SORCS2: variants seen among roughly 807,000 people sequenced by gnomAD.
The protein encoded by SORCS2 is sortilin related VPS10 domain containing receptor 2.
In SORCS2, 100 loss-of-function variants were observed where a neutral mutation model predicts 141.6. That is an observed-to-expected ratio of 0.71 (90% CI 0.60 to 0.83). The LOEUF (loss-of-function observed/expected upper bound fraction) is 0.83. SORCS2 is among the 40% of genes least tolerant of loss of function. SORCS2 has a pLI of 0.00. For missense variants in SORCS2, 1,646 were observed against 1,560.2 expected (o/e 1.05, Z -0.93); for synonymous variants, 789 against 676.9 (o/e 1.17, Z -2.57).
rs1722355057 is a variant in SORCS2 at position 7,664,210 on chromosome 4, G to A, written c.953-143G>A. Reference sequence around the variant, plus strand: ...GAGGATGACACCCTCAGCCGCAGGTGTCATCACGGTGGCCTTTAGAATTCA... The same window carrying A: ...GAGGATGACACCCTCAGCCGCAGGTATCATCACGGTGGCCTTTAGAATTCA... On this transcript the variant is annotated intron_variant, in intron 6 of 26. Coordinates refer to ENST00000507866, the MANE Select transcript of SORCS2 (RefSeq NM_020777.3). This position sits in a 1 kb window ranked among gnomAD's most constrained non-coding sequence, Gnocchi z 4.7. 1 of 629,166 alleles carries A rather than the reference G, an allele frequency of 1.6e-6. No homozygotes were observed. Among genetic ancestry groups the A allele is most frequent in the Middle Eastern group, 4.4e-4 (1 of 2,292 alleles). The allele number at this position is 629,166 out of a possible 1,614,324, so 39.0% of individuals were successfully genotyped here.
intron 1 of SORCS2, among the ~76,000 whole-genome samples, chr4:7,373,654 A>G (rs984894409): frequency 2.0e-5 from 3 of 150,184 alleles, no homozygotes; most frequent in Non-Finnish European, 4.4e-5. Context: ...ACCATGTCCA[A>G]TTAATTTTTG....
chr4:7,569,991 C>G (rs989795218), intron 3 of SORCS2, among the ~76,000 whole-genome samples: 10 of 152,172 alleles, frequency 6.6e-5, no homozygotes, highest in African/African-American at 2.4e-4. Flanking sequence ...TTCAGCTCTC[C>G]TGGGCAGGGG....
At chr4:7,433,277 G>A in intron 2 of SORCS2, 2 of 1,350,998 alleles carry the variant, frequency 1.5e-6, no homozygotes, top group Non-Finnish European at 9.5e-7. Context: ...CACCTCATGG[G>A]CCTCGCTAGC....
At position 7,590,758 on chromosome 4, in the gene SORCS2, G is replaced by A. The variant is rs115974738; in HGVS notation, c.649-47570G>A. ...ATGAAGTTCAGGTGTGAGCCACTGCGCCGGCTACTGCTGACACCTTGATTT... is the reference window on the plus strand; with the variant it reads ...ATGAAGTTCAGGTGTGAGCCACTGCACCGGCTACTGCTGACACCTTGATTT... On this transcript the variant is annotated intron_variant, in intron 3 of 26. Coordinates refer to ENST00000507866, the MANE Select transcript of SORCS2 (RefSeq NM_020777.3). Among the ~76,000 whole-genome samples, 880 of 152,286 alleles carry A rather than the reference G, an allele frequency of 5.8e-3. 9 individuals carry two copies. The highest frequency in any genetic ancestry group is 0.02 in the African/African-American group (844 of 41,556).
chr4:7,395,995 G>C (rs947074547), intron 1 of SORCS2, among the ~76,000 whole-genome samples: 1 of 152,176 alleles, frequency 6.6e-6, no homozygotes, highest in Non-Finnish European at 1.5e-5. Context: ...TCCAGGGCTG[G>C]GTTTGAATTA....
chr4:7,549,946 G>A (rs996220423), intron 3 of SORCS2, among the ~76,000 whole-genome samples: 1 of 152,172 alleles, frequency 6.6e-6, no homozygotes, highest in Non-Finnish European at 1.5e-5. Flanking sequence ...TAGGGCAGAG[G>A]GAGATGAGTT....
intron 13 of SORCS2, among the ~76,000 whole-genome samples, chr4:7,703,804 C>T (rs922213190): frequency 4.6e-5 from 7 of 152,320 alleles, no homozygotes; most frequent in African/African-American, 1.4e-4. Context: ...GAGCAGCTGC[C>T]AGGAAGCCAG....
chr4:7,481,821 G>C (rs1359462083), intron 2 of SORCS2, among the ~76,000 whole-genome samples: 1 of 152,132 alleles, frequency 6.6e-6, no homozygotes, highest in African/African-American at 2.4e-5. Context: ...AGCAACGAGA[G>C]AGAACGCTGG....
rs538671870 is a variant in SORCS2 at position 7,201,188 on chromosome 4, A to G, written c.480+8062A>G. On this transcript the variant is annotated intron_variant, in intron 1 of 26. Coordinates refer to ENST00000507866, the MANE Select transcript of SORCS2 (RefSeq NM_020777.3). The surrounding 1 kb of genome is among the most constrained non-coding windows in gnomAD (Gnocchi z 4.4). ...TGAGTAGAGTCCCGGGCTGAGGAGG[A>G]GGTTGGAATGGTGAGAATATTAAGG... 6.6e-6 allele frequency among the ~76,000 whole-genome samples: 1 copy of G among 152,054 alleles called. No homozygotes were observed. Among genetic ancestry groups the G allele is most frequent in the East Asian group, 1.9e-4 (1 of 5,168 alleles).
At chr4:7,509,508 T>G (rs534440388) in intron 2 of SORCS2, among the ~76,000 whole-genome samples, 1 of 152,056 alleles carries the variant, frequency 6.6e-6, no homozygotes, top group Non-Finnish European at 1.5e-5. Context: ...GACATTTCCA[T>G]GTCCATACTC....
intron 4 of SORCS2, among the ~76,000 whole-genome samples, chr4:7,639,841 G>C (rs796722677): frequency 2.6e-4 from 38 of 148,848 alleles, no homozygotes; most frequent in African/African-American, 7.2e-4. Context: ...GTGTGTAAAT[G>C]TGTGGGTGTG....
chr4:7,227,606 G>A (rs9991567), intron 1 of SORCS2, among the ~76,000 whole-genome samples: 19,429 of 152,148 alleles, frequency 0.13, 1,739 homozygotes, highest in African/African-American at 0.25. Context: ...GCCCCTCTGT[G>A]TGGTGGCCTG....
chr4:7,562,059 A>T (rs1714630411), intron 3 of SORCS2, among the ~76,000 whole-genome samples: 1 of 152,198 alleles, frequency 6.6e-6, no homozygotes, highest in African/African-American at 2.4e-5. Flanking sequence ...CTTAGCCCCT[A>T]CCCCATGGAG....
At chr4:7,702,259 G>A (rs1184504241) in intron 12 of SORCS2, among the ~76,000 whole-genome samples, 2 of 152,194 alleles carry the variant, frequency 1.3e-5, no homozygotes, top group Non-Finnish European at 2.9e-5. Flanking sequence ...GGCAAAGGGG[G>A]CCACTTTCGA....
At chr4:7,319,724 A>G (rs1718781182) in intron 1 of SORCS2, among the ~76,000 whole-genome samples, 1 of 152,194 alleles carries the variant, frequency 6.6e-6, no homozygotes, top group Non-Finnish European at 1.5e-5. Flanking sequence ...TAAAAAAACA[A>G]AAAACACATG....
intron 1 of SORCS2, among the ~76,000 whole-genome samples, chr4:7,361,577 G>A (rs1721581601): frequency 6.6e-6 from 1 of 152,058 alleles, no homozygotes; most frequent in African/African-American, 2.4e-5. Flanking sequence ...ATAATCCCTG[G>A]GAGTCAGTGA....
chr4:7,624,665 G>A (rs10937845), intron 3 of SORCS2, among the ~76,000 whole-genome samples: 16,385 of 152,248 alleles, frequency 0.11, 956 homozygotes, highest in Middle Eastern at 0.18. Flanking sequence ...GCAGATAAAT[G>A]AACAAATTGT....
At chr4:7,258,182 G>A (rs1006811753) in intron 1 of SORCS2, among the ~76,000 whole-genome samples, 8 of 152,052 alleles carry the variant, frequency 5.3e-5, no homozygotes, top group African/African-American at 1.4e-4. Flanking sequence ...AAGTTCTGGG[G>A]CATATGTGCA....
At chr4:7,476,450 G>A (rs891172808) in intron 2 of SORCS2, among the ~76,000 whole-genome samples, 22 of 152,114 alleles carry the variant, frequency 1.4e-4, no homozygotes, top group African/African-American at 5.1e-4. Context: ...ATTGGATAAG[G>A]CCTCATGTTA....
Sources: allele counts gnomAD v4.1 joint callset (sites outside exome capture counted in the v4.1 genomes callset), GRCh38; gene constraint gnomAD v4.1.1; non-coding constraint Gnocchi (gnomAD v3.1); transcripts MANE v1.5; gene names NCBI Gene and HGNC (gene_info 2026-07-23, HGNC 2026-07-21).